PLPPR1: variants seen among roughly 807,000 people sequenced by gnomAD.
PLPPR1 encodes the protein phospholipid phosphatase-related protein type 1.
A neutral mutation model predicts 33.1 loss-of-function variants in PLPPR1; 10 were observed. The observed-to-expected ratio is 0.30, with a 90% CI of 0.19 to 0.51. PLPPR1 has a LOEUF of 0.51. Ranked by LOEUF, PLPPR1 falls within the 20% of genes least tolerant of loss-of-function variation. The pLI, the probability that PLPPR1 is intolerant of heterozygous loss-of-function variation, is 0.97. For missense variants in PLPPR1, 304 were observed against 408.1 expected, an observed-to-expected ratio of 0.74 and a Z score of 2.20; for synonymous variants, 151 against 151.0, an observed-to-expected ratio of 1.00 and a Z score of 0.00.
At chr9:101,220,999 G>A (rs1045931241) in intron 2 of PLPPR1, among the ~76,000 whole-genome samples, 3 of 152,182 alleles carry the variant, frequency 2.0e-5, no homozygotes, top group South Asian at 2.1e-4. Context: ...CACCAATTTT[G>A]TTAACAATGT....
At chr9:101,170,641 A>C (rs112919811) in intron 1 of PLPPR1, among the ~76,000 whole-genome samples, 2 of 152,212 alleles carry the variant, frequency 1.3e-5, no homozygotes, top group African/African-American at 4.8e-5. Context: ...TTTCCCACTG[A>C]AAATGGCATT....
At chr9:101,207,663 A>G (rs1826616037) in intron 2 of PLPPR1, among the ~76,000 whole-genome samples, 1 of 152,152 alleles carries the variant, frequency 6.6e-6, no homozygotes, top group Non-Finnish European at 1.5e-5. Flanking sequence ...CCCATCACTA[A>G]TGGACTGTAT....
intron 1 of PLPPR1, among the ~76,000 whole-genome samples, chr9:101,101,832 A>G (rs2118554826): frequency 6.6e-6 from 1 of 152,244 alleles, no homozygotes; most frequent in African/African-American, 2.4e-5. Flanking sequence ...CATGAACCCA[A>G]TACAGATAAC....
chr9:101,031,584 A>C (rs1262353423), intron 1 of PLPPR1, among the ~76,000 whole-genome samples: 1 of 152,212 alleles, frequency 6.6e-6, no homozygotes, highest in South Asian at 2.1e-4. Context: ...AAAAAAAGAT[A>C]AGAAAGTAAA....
chr9:101,323,258 G>C (rs1037569858), intron 7 of PLPPR1, among the ~76,000 whole-genome samples: 9 of 152,140 alleles, frequency 5.9e-5, no homozygotes, highest in Non-Finnish European at 1.0e-4. Flanking sequence ...ACTTCGGAAG[G>C]CCAAGGTGGG....
chr9:101,229,822 G>A (rs542687638), intron 2 of PLPPR1, among the ~76,000 whole-genome samples: 2 of 152,152 alleles, frequency 1.3e-5, no homozygotes, highest in Non-Finnish European at 2.9e-5. Flanking sequence ...GCCTTGCCAA[G>A]TGACTGAAGT....
At position 101,158,358 on chromosome 9, in the gene PLPPR1, T is replaced by C. The variant is rs149465209; in HGVS notation, c.-45-27092T>C. Among the ~76,000 whole-genome samples the C allele has an allele frequency of 1.7e-3, 263 of 152,114 alleles. 1 individual carries two copies. Among genetic ancestry groups the C allele is most frequent in the Non-Finnish European group, 3.0e-3 (201 of 67,990 alleles). On this transcript the variant is annotated intron_variant, in intron 1 of 7. Coordinates refer to ENST00000374874, the MANE Select transcript of PLPPR1 (RefSeq NM_207299.2). ...TTTCCTAGGAAGAAGAAGAGGTCAA[T>C]GGAGGAGAGAGTGAGATGGAAGGTG... is the stretch of plus-strand genomic sequence containing the variant.
At chr9:101,042,206 G>T (rs906385454) in intron 1 of PLPPR1, among the ~76,000 whole-genome samples, 2 of 152,112 alleles carry the variant, frequency 1.3e-5, no homozygotes, top group African/African-American at 2.4e-5. Flanking sequence ...TTGGAGGAGA[G>T]AACTCCACAT....
At chr9:101,077,035 T>C (rs940651438) in intron 1 of PLPPR1, among the ~76,000 whole-genome samples, 3 of 152,212 alleles carry the variant, frequency 2.0e-5, no homozygotes, top group Admixed American at 6.5e-5. Flanking sequence ...TGTTACCTCT[T>C]GTCATATGTC....
At chr9:101,182,188 A>G (rs889658933) in intron 1 of PLPPR1, among the ~76,000 whole-genome samples, 2 of 151,702 alleles carry the variant, frequency 1.3e-5, no homozygotes, top group Non-Finnish European at 3.0e-5. Context: ...GAATCTAAAA[A>G]AGTTGAAATC....
At chr9:101,055,170 G>A (rs1191866592) in intron 1 of PLPPR1, among the ~76,000 whole-genome samples, 1 of 152,118 alleles carries the variant, frequency 6.6e-6, no homozygotes, top group Admixed American at 6.6e-5. Flanking sequence ...TTTCCTTGAA[G>A]GATTTTTGCA....
intron 1 of PLPPR1, among the ~76,000 whole-genome samples, chr9:101,108,451 G>C (rs528178415): frequency 1.4e-4 from 22 of 152,178 alleles, no homozygotes; most frequent in Admixed American, 2.6e-4. Context: ...ATAAAGAAAT[G>C]ATTATGCAAT....
At chr9:101,299,866 A>G (rs1026874050) in intron 4 of PLPPR1, among the ~76,000 whole-genome samples, 2 of 152,144 alleles carry the variant, frequency 1.3e-5, no homozygotes, top group Admixed American at 6.6e-5. Context: ...TACAATGTTT[A>G]GTAGTACCCC....
At chr9:101,312,531 G>A (rs935317850) in intron 5 of PLPPR1, among the ~76,000 whole-genome samples, 3 of 152,158 alleles carry the variant, frequency 2.0e-5, no homozygotes, top group African/African-American at 7.2e-5. Flanking sequence ...TGCGTTCTTT[G>A]TGTCACTAAT....
In PLPPR1 at chr9:101,079,942, A is replaced by G. The variant is rs577637538; in HGVS notation, c.-46+50840A>G. Reference sequence around the variant, plus strand: ...ATTCTGGAAGTTTCTGGCATCTTTTAATTCTCCCTAAAATTCTGAAATTTT... The same window carrying G: ...ATTCTGGAAGTTTCTGGCATCTTTTGATTCTCCCTAAAATTCTGAAATTTT... On this transcript the variant is annotated intron_variant, in intron 1 of 7. Coordinates refer to ENST00000374874, the MANE Select transcript of PLPPR1 (RefSeq NM_207299.2). Among the ~76,000 whole-genome samples the G allele has an allele frequency of 7.9e-5, 12 of 152,250 alleles. No homozygotes were observed. In the South Asian group the frequency reaches 8.3e-4, roughly 11 times the overall value.
intron 1 of PLPPR1, among the ~76,000 whole-genome samples, chr9:101,124,749 C>T (rs968036527): frequency 6.6e-6 from 1 of 152,202 alleles, no homozygotes; most frequent in Non-Finnish European, 1.5e-5. Flanking sequence ...CACACAGGCA[C>T]CTGATCATCA....
intron 1 of PLPPR1, among the ~76,000 whole-genome samples, chr9:101,148,557 C>T (rs143283077): frequency 6.6e-6 from 1 of 152,192 alleles, no homozygotes; most frequent in Admixed American, 6.5e-5. Flanking sequence ...TAAGCCCTTT[C>T]TGTCTTTTGT....
intron 1 of PLPPR1, among the ~76,000 whole-genome samples, chr9:101,099,012 A>G (rs1442920770): frequency 6.6e-6 from 1 of 152,062 alleles, no homozygotes; most frequent in African/African-American, 2.4e-5. Flanking sequence ...TAAAGGCACC[A>G]ATTACTAGTT....
intron 2 of PLPPR1, among the ~76,000 whole-genome samples, chr9:101,250,048 C>T (rs147581868): frequency 2.0e-5 from 3 of 152,186 alleles, no homozygotes; most frequent in African/African-American, 7.2e-5. Flanking sequence ...TTAGGAAACA[C>T]TTTACATGAT....
Sources: allele counts gnomAD v4.1 joint callset (sites outside exome capture counted in the v4.1 genomes callset), GRCh38; gene constraint gnomAD v4.1.1; transcripts MANE v1.5; gene names NCBI Gene and HGNC (gene_info 2026-07-23, HGNC 2026-07-21).